Variants in TTC39A observed in about 807,000 individuals in gnomAD.
TTC39A encodes tetratricopeptide repeat protein 39A.
Under a neutral mutation model 82.3 loss-of-function variants are expected in TTC39A, and 46 were observed. The ratio of observed to expected loss-of-function variants is 0.56; its 90% CI spans 0.44 to 0.71. The LOEUF (loss-of-function observed/expected upper bound fraction) is 0.71. Ranked by LOEUF, TTC39A falls within the 30% of genes least tolerant of loss-of-function variation. The pLI, the probability that TTC39A is intolerant of heterozygous loss-of-function variation, is 0.00. For missense variants in TTC39A, 543 were observed against 712.9 expected, an observed-to-expected ratio of 0.76 and a Z score of 2.71; for synonymous variants, 254 against 275.2, an observed-to-expected ratio of 0.92 and a Z score of 0.76.
At position 51,287,989 on chromosome 1, in the gene TTC39A, T is replaced by A; in HGVS notation, c.*168A>T. On this transcript the variant is annotated 3_prime_UTR_variant, in exon 18 of 18. Transcript: ENST00000680483. ...TGGCAAAGGCCCTTGGCTACACTGGTGAAAATGCCAGCTCGGCTTCTGCAC... is the reference window on the plus strand; with the variant it reads ...TGGCAAAGGCCCTTGGCTACACTGGAGAAAATGCCAGCTCGGCTTCTGCAC... 1 of 1,159,066 alleles carries A rather than the reference T, an allele frequency of 8.6e-7. No individual in the cohort carries two copies. Among genetic ancestry groups the A allele is most frequent in the South Asian group, 1.6e-5 (1 of 60,976 alleles). The allele number at this position is 1,159,066 out of a possible 1,614,324, so 71.8% of individuals were successfully genotyped here.
chr1:51,293,294 T>C (rs981132436), intron 14 of TTC39A, among the ~76,000 whole-genome samples: 4 of 152,236 alleles, frequency 2.6e-5, no homozygotes, highest in Non-Finnish European at 4.4e-5. Flanking sequence ...CTCTAACTCC[T>C]GACCTCAGGT....
At chr1:51,319,995 T>C (rs1222174761) in intron 2 of TTC39A, among the ~76,000 whole-genome samples, 2 of 152,142 alleles carry the variant, frequency 1.3e-5, no homozygotes, top group Admixed American at 6.5e-5. Context: ...CAGACTTTCT[T>C]AGGAAATTTC....
intron 1 of TTC39A, among the ~76,000 whole-genome samples, chr1:51,322,640 C>T (rs897778346): frequency 6.6e-6 from 1 of 152,074 alleles, no homozygotes; most frequent in Non-Finnish European, 1.5e-5. Context: ...GGAAAGCAAA[C>T]CCCTGACTTT....
chr1:51,312,750 G>A, intron 3 of TTC39A, 62 bp downstream of exon 3: 1 of 1,583,152 alleles, frequency 6.3e-7, no homozygotes, highest in South Asian at 1.2e-5. Context: ...GCCCTGGAAT[G>A]GGCCAGGGTG....
chr1:51,339,441 C>A (rs1646009646), intron 1 of TTC39A, among the ~76,000 whole-genome samples: 2 of 152,130 alleles, frequency 1.3e-5, no homozygotes, highest in South Asian at 2.1e-4. Flanking sequence ...AGAAAGGAAG[C>A]CTTGGGAATC....
chr1:51,309,910 G>T (rs1251024213), intron 5 of TTC39A, among the ~76,000 whole-genome samples: 1 of 152,120 alleles, frequency 6.6e-6, no homozygotes, highest in Non-Finnish European at 1.5e-5. Flanking sequence ...ATAAGGCTGG[G>T]TGAAGAAAGC....
chr1:51,334,198 A>T (rs1303189084), upstream of TTC39A, among the ~76,000 whole-genome samples: 7 of 149,820 alleles, frequency 4.7e-5, no homozygotes, highest in African/African-American at 1.7e-4. Context: ...GTCTCTACAA[A>T]AAAAAAAAAA....
intron 2 of TTC39A, among the ~76,000 whole-genome samples, chr1:51,319,676 TTC>T (rs996459522): frequency 3.8e-4 from 58 of 151,930 alleles, no homozygotes; most frequent in Non-Finnish European, 7.7e-4. Context: ...CTTATAAAAT[TTC>T]TTTTTTTTCT....
chr1:51,292,632 T>C (rs930844630), intron 14 of TTC39A, among the ~76,000 whole-genome samples: 2 of 152,168 alleles, frequency 1.3e-5, no homozygotes, highest in Non-Finnish European at 2.9e-5. Flanking sequence ...GGTTTCACCA[T>C]GTTGGCCAGG....
At position 51,301,665 on chromosome 1, in the gene TTC39A, G is replaced by A; in HGVS notation, c.960C>T (p.Tyr320=). The stretch of plus-strand genomic sequence containing the variant: ...AGGTGAAGCACCACATCAGCTCCCA[G>A]TAGCACATGTGGTGGAACTGCTTCC... ...QHWKQFHHMC[Y]WELMWCFTYK... The change falls in exon 12 of 18, where the codon TAC becomes TAT. Residue 320 remains tyrosine (Y), a synonymous_variant. Coordinates refer to ENST00000680483, the MANE Select transcript of TTC39A (RefSeq NM_001297663.2). 1 of 1,613,804 alleles carries A rather than the reference G, an allele frequency of 6.2e-7. No homozygotes were observed.
upstream of TTC39A, chr1:51,330,626 C>A (rs1361730063): frequency 1.8e-5 from 18 of 983,318 alleles, no homozygotes; most frequent in Non-Finnish European, 1.9e-5. The surrounding 1 kb of genome is among the most constrained non-coding windows in gnomAD (Gnocchi z 4.5). Context: ...CGGGGCCGGG[C>A]CGAGCCTCGG....
In TTC39A at chr1:51,330,340, G is replaced by A; in HGVS notation, c.41+97C>T. The A allele has an allele frequency of 1.1e-6, 1 of 920,228 alleles. No homozygotes were observed. Among genetic ancestry groups the A allele is most frequent in the Non-Finnish European group, 1.3e-6 (1 of 772,100 alleles). The allele number at this position is 920,228 out of a possible 1,614,324, so 57.0% of individuals were successfully genotyped here. On this transcript the variant is annotated intron_variant, in intron 1 of 17. Coordinates refer to ENST00000680483, the MANE Select transcript of TTC39A (RefSeq NM_001297663.2). The surrounding 1 kb of genome is among the most constrained non-coding windows in gnomAD (Gnocchi z 4.5). ...GCTGGAAGCCGCAGTGCGGCCCCAG[G>A]CCGGTGCGCGGGGGGAGGCCTGGCG...
rs747208734 is a variant in TTC39A, at chr1:51,288,913, G to A, written c.1536C>T (p.Ala512=). The A allele has an allele frequency of 6.8e-6, 11 of 1,611,798 alleles. No homozygotes were observed. The East Asian group carries it at 2.2e-4, about 33-fold the overall frequency. Residue 512 remains alanine (A), a synonymous_variant, in exon 17 of 18, where the codon GCC becomes GCT. Coordinates refer to ENST00000680483, the MANE Select transcript of TTC39A (RefSeq NM_001297663.2). The surrounding 1 kb of genome is among the most constrained non-coding windows in gnomAD (Gnocchi z 4.8). ...TAAGCAGCAGGGCCAGCTCCAGCAG[G>A]GCGTTTGGGATCAAGTAGTGGTCAT... ...IKYDHYLIPN[A]LLELALLLME...
chr1:51,330,147 C>T lies in TTC39A; in HGVS notation c.41+290G>A, dbSNP rs181968957. 888 of 985,574 alleles carry T rather than the reference C, an allele frequency of 9.0e-4. 6 individuals carry two copies. The African/African-American group carries it at 0.015, about 16-fold the overall frequency. The allele number at this position is 985,574 out of a possible 1,614,324, so 61.1% of individuals were successfully genotyped here. ...CCCCACAGGAGTGAACGCCACGAGGCAGGTGGGGAAGGCTGCTCTGAACGT... is the reference window on the plus strand; with the variant it reads ...CCCCACAGGAGTGAACGCCACGAGGTAGGTGGGGAAGGCTGCTCTGAACGT... On this transcript the variant is annotated intron_variant, in intron 1 of 17. Coordinates refer to ENST00000680483, the MANE Select transcript of TTC39A (RefSeq NM_001297663.2). The surrounding 1 kb of genome is among the most constrained non-coding windows in gnomAD (Gnocchi z 4.5).
chr1:51,308,806 CGTGCATGT>C (rs1376794475), intron 6 of TTC39A, among the ~76,000 whole-genome samples: 2 of 151,832 alleles, frequency 1.3e-5, no homozygotes, highest in Non-Finnish European at 2.9e-5. Context: ...TGTGTGTGTG[CGTGCATGT>C]GTGCATGTGC....
Position 51,340,290 on chromosome 1 carries a change from G to C in TTC39A, c.53+4701C>G, listed in dbSNP as rs145026809. 6.4e-3 allele frequency among the ~76,000 whole-genome samples: 968 copies of C among 152,280 alleles called. 13 individuals carry two copies. Among genetic ancestry groups the C allele is most frequent in the African/African-American group, 0.022 (933 of 41,568 alleles). On this transcript the variant is annotated intron_variant, in intron 1 of 5. Coordinates refer to the TTC39A transcript ENST00000401051. ...TGGTGGTGGCAGTCAGGGAGAGAAG[G>C]GCTGTGTTTGGCAAGGCCACAACTC...
chr1:51,303,065 G>A lies in TTC39A; in HGVS notation c.763+19C>T. ...GAGACGACCAAACCCCAGGGCCCCA[G>A]GTCCCCCTGTACACCTACCGAGCAC... On this transcript the variant is annotated intron_variant, in intron 9 of 17. Transcript: ENST00000680483. The A allele has an allele frequency of 6.4e-7, 1 of 1,568,218 alleles. No individual in the cohort carries two copies. Among genetic ancestry groups the A allele is most frequent in the Non-Finnish European group, 8.6e-7 (1 of 1,156,592 alleles).
chr1:51,321,120 C>T lies in TTC39A; in HGVS notation c.146+601G>A, dbSNP rs963377100. 6.6e-6 allele frequency among the ~76,000 whole-genome samples: 1 copy of T among 151,136 alleles called. No homozygotes were observed. Among genetic ancestry groups the T allele is most frequent in the Non-Finnish European group, 1.5e-5 (1 of 67,742 alleles). On this transcript the variant is annotated intron_variant, in intron 2 of 17. Transcript: ENST00000680483. This position sits in a 1 kb window ranked among gnomAD's most constrained non-coding sequence, Gnocchi z 4.6. ...AACTTCTGACCTCAAGTGATCCACC[C>T]GCCTTGGCCTCCCAAAGTGCTGGGA...
At chr1:51,290,786 A>G (rs1557694761) in intron 14 of TTC39A, among the ~76,000 whole-genome samples, 161 bp from the exon 15 acceptor site, 1 of 152,180 alleles carries the variant, frequency 6.6e-6, no homozygotes, top group Non-Finnish European at 1.5e-5. Flanking sequence ...TGTGGGTCTG[A>G]GGGGGTTATG....
Sources: gnomAD v4.1 joint callset for allele counts (sites outside exome capture counted in the v4.1 genomes callset) on GRCh38, gnomAD v4.1.1 for gene constraint, Gnocchi (gnomAD v3.1) non-coding constraint, MANE v1.5 for transcripts, NCBI Gene and HGNC (gene_info 2026-07-23, HGNC 2026-07-21) for gene names.